GPR35: variants seen among roughly 807,000 people sequenced by gnomAD.
GPR35 encodes the protein G protein-coupled receptor 35, also known as KYNA receptor.
For synonymous variants in GPR35, 207 were observed against 198.4 expected (o/e 1.04, Z -0.36); for missense variants, 372 against 422.5 (o/e 0.88, Z 1.05).
rs1028157350 is a variant in GPR35, at chr2:240,632,221, G to T, written c.*1339G>T. The stretch of plus-strand genomic sequence containing the variant: ...GGGTCTATGTCCAGGAGGGTCCCAT[G>T]CCTGGAAGGGTCCATGCTCAGGAGG... On this transcript the variant is annotated 3_prime_UTR_variant, in exon 2 of 2. Transcript: ENST00000407714. Among the ~76,000 whole-genome samples the T allele has an allele frequency of 2.0e-5, 3 of 151,438 alleles. No individual in the cohort carries two copies. Among genetic ancestry groups the T allele is most frequent in the African/African-American group, 7.3e-5 (3 of 41,172 alleles).
chr2:240,624,861 G>C (rs1466470919), upstream of GPR35, among the ~76,000 whole-genome samples: 3 of 152,100 alleles, frequency 2.0e-5, no homozygotes, highest in African/African-American at 7.2e-5. Flanking sequence ...GGTCTGGGTA[G>C]GCTTCTGAGG....
At chr2:240,612,876 A>G (rs1559433298) in intron 2 of GPR35, among the ~76,000 whole-genome samples, 1 of 152,200 alleles carries the variant, frequency 6.6e-6, no homozygotes, top group Non-Finnish European at 1.5e-5. Flanking sequence ...CCTCCTGGTG[A>G]TGGTTCTCCA....
At chr2:240,622,039 ATT>A (rs34528477), upstream of GPR35, among the ~76,000 whole-genome samples, 22 of 145,742 alleles carry the variant, frequency 1.5e-4, no homozygotes, top group African/African-American at 5.3e-4. Flanking sequence ...TGCGTGGCTG[ATT>A]TTTTTTTTTT....
chr2:240,630,935 G>A lies in GPR35; in HGVS notation c.*53G>A. 1.4e-6 allele frequency: 2 copies of A among 1,464,874 alleles called. No homozygotes were observed. Among genetic ancestry groups the A allele is most frequent in the Non-Finnish European group, 1.9e-6 (2 of 1,062,710 alleles). The allele number at this position is 1,464,874 out of a possible 1,614,324, so 90.7% of individuals were successfully genotyped here. On this transcript the variant is annotated 3_prime_UTR_variant, in exon 2 of 2. Coordinates refer to ENST00000407714, the MANE Select transcript of GPR35 (RefSeq NM_005301.5). ...GGTCTCGGGGGCTCCGGGAGGTGCT[G>A]CCTGCCAGGGGAAGCTGGAACCAGT...
At chr2:240,624,666 G>C (rs1575467441), upstream of GPR35, among the ~76,000 whole-genome samples, 1 of 152,206 alleles carries the variant, frequency 6.6e-6, no homozygotes, top group East Asian at 1.9e-4. Flanking sequence ...CTGTGGTCAG[G>C]GGCTGTGGGG....
chr2:240,608,572 TAAAC>T (rs1454831410), intron 2 of GPR35, among the ~76,000 whole-genome samples: 1 of 152,258 alleles, frequency 6.6e-6, no homozygotes, highest in Non-Finnish European at 1.5e-5. Context: ...AATGCTAAAA[TAAAC>T]CTTTTATTTC....
upstream of GPR35, among the ~76,000 whole-genome samples, chr2:240,623,180 A>C (rs943069671): frequency 1.3e-5 from 2 of 152,218 alleles, no homozygotes; most frequent in Admixed American, 6.5e-5. Context: ...GCTCTGTGCC[A>C]GGGCCCCGAC....
At chr2:240,612,580 G>A (rs1357557189) in intron 2 of GPR35, among the ~76,000 whole-genome samples, 1 of 152,154 alleles carries the variant, frequency 6.6e-6, no homozygotes, top group African/African-American at 2.4e-5. Context: ...AGGTTCTGGT[G>A]GGCTGACCAT....
At chr2:240,626,077 G>A (rs1312552310) in intron 1 of GPR35, among the ~76,000 whole-genome samples, 5 of 56,076 alleles carry the variant, frequency 8.9e-5, no homozygotes, top group African/African-American at 1.4e-4. Flanking sequence ...TCTCAGAGTG[G>A]GGTGAGGCTG....
At chr2:240,624,406 G>A (rs2043345119), upstream of GPR35, among the ~76,000 whole-genome samples, 1 of 152,170 alleles carries the variant, frequency 6.6e-6, no homozygotes, top group African/African-American at 2.4e-5. Context: ...AGGAAGAAAG[G>A]GACAGGAACC....
chr2:240,622,777 G>A (rs540920531), upstream of GPR35, among the ~76,000 whole-genome samples: 7 of 152,310 alleles, frequency 4.6e-5, no homozygotes, highest in South Asian at 4.1e-4. Flanking sequence ...AGGGGCTGGC[G>A]CTGCTGCAGG....
upstream of GPR35, among the ~76,000 whole-genome samples, chr2:240,623,311 G>A (rs1312645603): frequency 1.7e-5 from 2 of 120,758 alleles, no homozygotes; most frequent in South Asian, 2.7e-4. Context: ...TCATGAGGGC[G>A]CAAACAGGTC....
At position 240,630,919 on chromosome 2, in the gene GPR35, G is replaced by T; in HGVS notation, c.*37G>T. On this transcript the variant is annotated 3_prime_UTR_variant, in exon 2 of 2. Transcript: ENST00000407714. ...TGGGCGCTGTGGGCCAGGTCTCGGG[G>T]GCTCCGGGAGGTGCTGCCTGCCAGG... 6.5e-7 allele frequency: 1 copy of T among 1,547,080 alleles called. No individual in the cohort carries two copies. Among genetic ancestry groups the T allele is most frequent in the South Asian group, 1.1e-5 (1 of 87,356 alleles).
intron 3 of GPR35, chr2:240,616,924 G>A: frequency 1.3e-6 from 1 of 769,268 alleles, no homozygotes; most frequent in Non-Finnish European, 2.4e-6. Flanking sequence ...AACCAGGGAA[G>A]ATTTGGGGTC....
At chr2:240,614,974 A>G (rs187024071) in intron 2 of GPR35, among the ~76,000 whole-genome samples, 15 of 151,840 alleles carry the variant, frequency 9.9e-5, no homozygotes, top group Non-Finnish European at 1.5e-5. Context: ...TTGTATATGT[A>G]TCTATGTGTG....
At chr2:240,610,395 T>G (rs1315340211) in intron 2 of GPR35, among the ~76,000 whole-genome samples, 8 of 152,238 alleles carry the variant, frequency 5.3e-5, no homozygotes, top group Non-Finnish European at 1.2e-4. Context: ...GTTTTCATTC[T>G]TTTACTTTTA....
Position 240,629,985 on chromosome 2 carries a change from C to A in GPR35, c.33C>A (p.Ser11Arg). The A allele has an allele frequency of 6.2e-7, 1 of 1,608,598 alleles. No individual in the cohort carries two copies. Among genetic ancestry groups the A allele is most frequent in the Non-Finnish European group, 8.5e-7 (1 of 1,176,348 alleles). ...GCACCTACAACACCTGTGGCTCCAG[C>A]GACCTCACCTGGCCCCCAGCGATCA... is the stretch of plus-strand genomic sequence containing the variant. MNGTYNTCGS[S>R]DLTWPPAIKL... Residue 11 changes from serine to arginine, a missense_variant, in exon 2 of 2, where the codon AGC becomes AGA. By Grantham distance (110) the Ser-to-Arg change is moderately radical. Transcript: ENST00000407714.
At chr2:240,626,907 T>C (rs2043384872) in intron 1 of GPR35, among the ~76,000 whole-genome samples, 1 of 152,116 alleles carries the variant, frequency 6.6e-6, no homozygotes, top group Admixed American at 6.5e-5. Flanking sequence ...GGATCGCCCG[T>C]CTATGGCCAG....
At chr2:240,624,422 C>T (rs532693908), upstream of GPR35, among the ~76,000 whole-genome samples, 4 of 152,254 alleles carry the variant, frequency 2.6e-5, no homozygotes, top group South Asian at 4.1e-4. Context: ...GAACCAGGCC[C>T]GGGATGACAG....
Sources: gnomAD v4.1 joint callset for allele counts (sites outside exome capture counted in the v4.1 genomes callset) on GRCh38, gnomAD v4.1.1 for gene constraint, MANE v1.5 for transcripts, NCBI Gene and HGNC (gene_info 2026-07-23, HGNC 2026-07-21) for gene names.